The following SLC22A14 variants were observed in gnomAD, a reference collection of about 807,000 sequenced individuals.
SLC22A14 encodes organic cation transporter-like 4.
Under a neutral mutation model 53.9 loss-of-function variants are expected in SLC22A14, and 50 were observed. The ratio of observed to expected loss-of-function variants is 0.93; its 90% confidence interval spans 0.74 to 1.17. The LOEUF (loss-of-function observed/expected upper bound fraction) is 1.17. Among genes scored for constraint, SLC22A14 ranks in the 50% most tolerant of loss-of-function variants. SLC22A14 has a pLI of 0.00. For missense variants in SLC22A14, 671 were observed against 734.7 expected (o/e 0.91, Z 1.00); for synonymous variants, 312 against 303.0 (o/e 1.03, Z -0.31).
At chr3:38,301,507 G>A (rs1327946250) in intron 1 of SLC22A14, among the ~76,000 whole-genome samples, 1 of 152,154 alleles carries the variant, frequency 6.6e-6, no homozygotes, top group African/African-American at 2.4e-5. Flanking sequence ...TTACAGAAAT[G>A]CAATTGACTT....
At chr3:38,302,577 AG>A (rs1704194910) in intron 1 of SLC22A14, among the ~76,000 whole-genome samples, 1 of 152,030 alleles carries the variant, frequency 6.6e-6, no homozygotes, top group Non-Finnish European at 1.5e-5. Flanking sequence ...AGATTGCTTG[AG>A]CCTGGGAGGT....
At chr3:38,291,728 C>A (rs537843956) in intron 1 of SLC22A14, among the ~76,000 whole-genome samples, 1 of 152,298 alleles carries the variant, frequency 6.6e-6, no homozygotes, top group Non-Finnish European at 1.5e-5. Context: ...AGTCTTGCCC[C>A]GTTGGCAAGT....
At chr3:38,310,156 G>A (rs959752967) in intron 5 of SLC22A14, among the ~76,000 whole-genome samples, 2 of 152,038 alleles carry the variant, frequency 1.3e-5, no homozygotes, top group Non-Finnish European at 2.9e-5. Flanking sequence ...GGTGGGAGGA[G>A]CGCTTGAGGC....
Position 38,308,955 on chromosome 3 carries a change from C to G in SLC22A14, c.777C>G (p.Ala259=). Residue 259 remains alanine (A), a splice_region_variant and synonymous_variant, in exon 5 of 11, where the codon GCC becomes GCG. Transcript: ENST00000448498. ...TTTGTCCTCTTGGCCTCTGCACAGC[C>G]ACTGAGTGGTTAGTGGGTGAGCACC... ...VGYAISSISL[A]TEWLVGEHRA... 1.2e-6 allele frequency: 2 copies of G among 1,613,808 alleles called. No homozygotes were observed. The highest frequency in any genetic ancestry group is 1.7e-6 in the Non-Finnish European group (2 of 1,179,776).
At chr3:38,304,052 G>T (rs897899719) in intron 1 of SLC22A14, among the ~76,000 whole-genome samples, 1 of 151,838 alleles carries the variant, frequency 6.6e-6, no homozygotes, top group African/African-American at 2.4e-5. Flanking sequence ...TTAGCCGGGC[G>T]TGGTGGCGGG....
intron 5 of SLC22A14, among the ~76,000 whole-genome samples, chr3:38,310,017 G>A (rs997817479): frequency 5.9e-5 from 9 of 152,116 alleles, no homozygotes; most frequent in African/African-American, 2.2e-4. Context: ...TTTGAACTCA[G>A]GGGCTGTCTC....
intron 10 of SLC22A14, 39 bp from the exon 11 acceptor site, chr3:38,318,159 A>G: frequency 3.1e-6 from 5 of 1,592,224 alleles, no homozygotes; most frequent in Non-Finnish European, 4.3e-6. Flanking sequence ...GCTTCCAGAA[A>G]GATGTGGCCC....
chr3:38,312,930 A>G, intron 5 of SLC22A14, 69 bp from the exon 6 acceptor site: 1 of 1,550,446 alleles, frequency 6.4e-7, no homozygotes, highest in Middle Eastern at 1.7e-4. Context: ...AGCTGAGGCC[A>G]CGAGAGGGCC....
chr3:38,285,746 G>A (rs938888118), intron 1 of SLC22A14, among the ~76,000 whole-genome samples: 7 of 152,074 alleles, frequency 4.6e-5, no homozygotes, highest in Non-Finnish European at 1.0e-4. Context: ...TGAACATTTT[G>A]GTACTTATTT....
Position 38,307,663 on chromosome 3 carries a change from T to C in SLC22A14, c.718T>C (p.Phe240Leu). The C allele has an allele frequency of 6.2e-7, 1 of 1,613,956 alleles. No homozygotes were observed. The highest frequency in any genetic ancestry group is 8.5e-7 in the Non-Finnish European group (1 of 1,179,790). The change falls in exon 4 of 11, where the codon TTT becomes CTT. Residue 240 changes from phenylalanine to leucine, a missense_variant. Coordinates refer to ENST00000448498, the MANE Select transcript of SLC22A14 (RefSeq NM_001320033.2). This position sits in a 1 kb window ranked among gnomAD's most constrained non-coding sequence, Gnocchi z 4.4. ...GAACAGCTTTCACCTGTATTTGTTC[T>C]TTCGCTTTGGCATCTCGCAGTCAGT... ...FMNSFHLYLF[F>L]RFGISQSVVG...
chr3:38,297,723 G>A (rs547089967), intron 1 of SLC22A14, among the ~76,000 whole-genome samples: 2 of 152,144 alleles, frequency 1.3e-5, no homozygotes, highest in Non-Finnish European at 2.9e-5. Context: ...ATATGCAGGG[G>A]TGTATGATGT....
At chr3:38,281,406 C>A (rs1007163850), upstream of SLC22A14, among the ~76,000 whole-genome samples, 1 of 151,940 alleles carries the variant, frequency 6.6e-6, no homozygotes, top group Admixed American at 6.6e-5. Context: ...AAATTTATTT[C>A]TTACAGTTCT....
intron 1 of SLC22A14, among the ~76,000 whole-genome samples, chr3:38,284,864 A>G (rs943669766): frequency 6.6e-6 from 1 of 152,224 alleles, no homozygotes; most frequent in Admixed American, 6.5e-5. Flanking sequence ...GACTGTAAGG[A>G]AATGGACACC....
In SLC22A14 at chr3:38,307,262, G is replaced by A. The variant is rs1174959488; in HGVS notation, c.525G>A (p.Leu175=). Residue 175 remains leucine, a synonymous_variant, in exon 3 of 11, where the codon TTG becomes TTA. Transcript: ENST00000448498. This position sits in a 1 kb window ranked among gnomAD's most constrained non-coding sequence, Gnocchi z 4.4. The part of the protein sequence containing the change: ...KKRSLINEFD[L]VCGMETKKDT... Reference sequence around the variant, plus strand: ...CTGTGTCTGACCCACAGTTTGACTTGGTATGTGGCATGGAGACGAAGAAGG... The same window carrying A: ...CTGTGTCTGACCCACAGTTTGACTTAGTATGTGGCATGGAGACGAAGAAGG... The A allele has an allele frequency of 1.9e-6, 3 of 1,613,212 alleles. No individual in the cohort carries two copies. Among genetic ancestry groups the A allele is most frequent in the East Asian group, 4.5e-5 (2 of 44,868 alleles).
At chr3:38,295,655 AATTTT>A (rs893723939) in intron 1 of SLC22A14, among the ~76,000 whole-genome samples, 41 of 151,482 alleles carry the variant, frequency 2.7e-4, no homozygotes, top group African/African-American at 8.5e-4. Context: ...GGGTTTTTTT[AATTTT>A]ATTTTATTTT....
intron 1 of SLC22A14, among the ~76,000 whole-genome samples, chr3:38,300,235 T>A (rs1325923842): frequency 6.6e-6 from 1 of 151,614 alleles, no homozygotes; most frequent in African/African-American, 2.4e-5. Context: ...AGGTCAGGAG[T>A]TCAAGACCAC....
chr3:38,300,884 C>T (rs1704144627), intron 1 of SLC22A14, among the ~76,000 whole-genome samples: 1 of 152,200 alleles, frequency 6.6e-6, no homozygotes, highest in African/African-American at 2.4e-5. Flanking sequence ...GTCTTGCCCA[C>T]TGCAGCCTTA....
intron 1 of SLC22A14, among the ~76,000 whole-genome samples, chr3:38,303,571 T>A (rs1704220319): frequency 6.6e-6 from 1 of 152,122 alleles, no homozygotes; most frequent in Admixed American, 6.5e-5. Flanking sequence ...CTTCATTCTA[T>A]CCTCGTGGGT....
chr3:38,292,721 G>A (rs9830261), intron 1 of SLC22A14, among the ~76,000 whole-genome samples: 2,486 of 152,104 alleles, frequency 0.016, 70 homozygotes, highest in African/African-American at 0.056. Flanking sequence ...CCAGACTTCA[G>A]GATTAATTCC....
Sources: allele counts gnomAD v4.1 joint callset (sites outside exome capture counted in the v4.1 genomes callset), GRCh38; gene constraint gnomAD v4.1.1; non-coding constraint Gnocchi (gnomAD v3.1); transcripts MANE v1.5; gene names NCBI Gene and HGNC (gene_info 2026-07-23, HGNC 2026-07-21).